The following ADAMTSL1 variants were observed in gnomAD, a reference collection of about 807,000 sequenced individuals.
ADAMTSL1 encodes ADAMTS like 1.
ADAMTSL1 carries 126 observed loss-of-function variants against 201.8 expected under a neutral mutation model. That is an observed-to-expected ratio of 0.62 (90% confidence interval 0.54 to 0.72). ADAMTSL1 has a LOEUF of 0.72. ADAMTSL1 is among the 30% of genes least tolerant of loss of function. The pLI, the probability that ADAMTSL1 is intolerant of heterozygous loss-of-function variation, is 0.00. For missense variants in ADAMTSL1, 2,679 were observed against 2,277.8 expected (o/e 1.18, Z -3.59); for synonymous variants, 1,121 against 903.4 (o/e 1.24, Z -4.32).
At chr9:18,572,040 A>G (rs1191316643) in intron 3 of ADAMTSL1, among the ~76,000 whole-genome samples, 1 of 151,992 alleles carries the variant, frequency 6.6e-6, no homozygotes, top group Non-Finnish European at 1.5e-5. Context: ...TAAAAATATA[A>G]AAAAATGAGC....
intron 1 of ADAMTSL1, among the ~76,000 whole-genome samples, chr9:18,019,801 T>A (rs1003444700): frequency 3.3e-5 from 5 of 152,066 alleles, no homozygotes; most frequent in Non-Finnish European, 7.4e-5. Context: ...ACTGTTCAGT[T>A]ACCTTTCATT....
At chr9:18,876,791 T>C (rs1828190785) in intron 23 of ADAMTSL1, among the ~76,000 whole-genome samples, 1 of 152,222 alleles carries the variant, frequency 6.6e-6, no homozygotes, top group African/African-American at 2.4e-5. Context: ...TTTGGATGTC[T>C]AGATGTCTAG....
chr9:18,525,376 T>A (rs1818971726), intron 2 of ADAMTSL1, among the ~76,000 whole-genome samples: 1 of 152,190 alleles, frequency 6.6e-6, no homozygotes, highest in Admixed American at 6.5e-5. Flanking sequence ...ATTTTGTTGA[T>A]CTTTTCAAAA....
intron 7 of ADAMTSL1, among the ~76,000 whole-genome samples, chr9:18,645,128 C>G (rs1001685943): frequency 1.2e-4 from 18 of 152,170 alleles, no homozygotes; most frequent in Non-Finnish European, 2.5e-4. Context: ...TTGCATTTCT[C>G]TGAGGGCCAG....
intron 2 of ADAMTSL1, among the ~76,000 whole-genome samples, chr9:18,389,434 A>G (rs908586699): frequency 2.0e-5 from 3 of 152,206 alleles, no homozygotes; most frequent in African/African-American, 7.2e-5. Context: ...TGAGTTATGT[A>G]AAGAAGCTGG....
chr9:17,975,203 T>A lies in ADAMTSL1; in HGVS notation c.87+68281T>A, dbSNP rs572594212. Among the ~76,000 whole-genome samples the A allele has an allele frequency of 8.3e-4, 127 of 152,256 alleles. 1 individual carries two copies. Among genetic ancestry groups the A allele is most frequent in the African/African-American group, 2.9e-3 (120 of 41,574 alleles). ...ATTCAGGTTCTTTGGCATTTTTTAA[T>A]TGGGTCATTTTTTTTTCTTTGGCTA... On this transcript the variant is annotated intron_variant, in intron 1 of 29. Transcript: ENST00000680146.
rs569117124 is a variant in ADAMTSL1 at position 18,865,047 on chromosome 9, T to C, written c.4250-22784T>C. Among the ~76,000 whole-genome samples, 9 of 152,348 alleles carry C rather than the reference T, an allele frequency of 5.9e-5. 1 individual carries two copies. The South Asian group carries it at 1.9e-3, about 32-fold the overall frequency. On this transcript the variant is annotated intron_variant, in intron 23 of 28. Coordinates refer to ENST00000380548, the MANE Select transcript of ADAMTSL1 (RefSeq NM_001040272.6). ...TTTTGTTATATTTTTCCAGTCTCTTTTTTTAATTATACTTGAAGTTCTAGG... is the reference window on the plus strand; with the variant it reads ...TTTTGTTATATTTTTCCAGTCTCTTCTTTTAATTATACTTGAAGTTCTAGG...
intron 23 of ADAMTSL1, among the ~76,000 whole-genome samples, chr9:18,848,510 T>C (rs1826276342): frequency 6.6e-6 from 1 of 152,196 alleles, no homozygotes; most frequent in Non-Finnish European, 1.5e-5. Context: ...TCCCTCATAC[T>C]TGCCATGGCC....
intron 1 of ADAMTSL1, among the ~76,000 whole-genome samples, chr9:17,999,781 A>C (rs1283165632): frequency 6.8e-6 from 1 of 146,970 alleles, no homozygotes; most frequent in Admixed American, 6.8e-5. Context: ...CAGTCCCCAG[A>C]GTGTGATATT....
intron 23 of ADAMTSL1, among the ~76,000 whole-genome samples, chr9:18,840,432 A>T (rs1379009047): frequency 6.6e-6 from 1 of 152,170 alleles, no homozygotes; most frequent in Non-Finnish European, 1.5e-5. Flanking sequence ...TGTTTTGGTT[A>T]CTGTAGCCTT....
At chr9:18,147,984 A>G (rs947949996) in intron 1 of ADAMTSL1, among the ~76,000 whole-genome samples, 1 of 152,072 alleles carries the variant, frequency 6.6e-6, no homozygotes, top group African/African-American at 2.4e-5. Context: ...CCATGGAAAA[A>G]AGAGACCATA....
intron 1 of ADAMTSL1, among the ~76,000 whole-genome samples, chr9:18,155,089 T>C (rs1827092956): frequency 1.3e-5 from 2 of 152,182 alleles, no homozygotes; most frequent in Admixed American, 6.6e-5. Context: ...CATTTTGTTT[T>C]TGAAGGGGAA....
chr9:18,470,611 C>A (rs16936745), upstream of ADAMTSL1, among the ~76,000 whole-genome samples: 2 of 151,870 alleles, frequency 1.3e-5, no homozygotes, highest in African/African-American at 2.4e-5. Flanking sequence ...CTGCAGCTGA[C>A]GGGCTAAGCA....
intron 23 of ADAMTSL1, among the ~76,000 whole-genome samples, chr9:18,832,953 A>G (rs2131276880): frequency 6.6e-6 from 1 of 152,318 alleles, no homozygotes. Context: ...TTTTTAAGCC[A>G]TGTGTCAGAG....
intron 1 of ADAMTSL1, among the ~76,000 whole-genome samples, chr9:18,042,095 GAAAA>G (rs76542418): frequency 1.6e-5 from 2 of 124,462 alleles, no homozygotes; most frequent in Non-Finnish European, 1.8e-5. Flanking sequence ...TAATTGCTGG[GAAAA>G]AAAAAAAAAA....
At position 18,554,596 on chromosome 9, in the gene ADAMTSL1, C is replaced by T. The variant is rs569533889; in HGVS notation, c.238-19434C>T. ...TTAGAAACTCTGAAGGAAACTTCTA[C>T]CCCCAACCTTTACCCGTAGCCAACC... is the stretch of plus-strand genomic sequence containing the variant. On this transcript the variant is annotated intron_variant, in intron 3 of 28. Transcript: ENST00000380548. Among the ~76,000 whole-genome samples, 5 of 151,792 alleles carry T rather than the reference C, an allele frequency of 3.3e-5. No homozygotes were observed. The South Asian group carries it at 8.3e-4, about 25-fold the overall frequency.
chr9:18,633,262 A>AAGTC (rs1364935473), intron 5 of ADAMTSL1, among the ~76,000 whole-genome samples: 24 of 152,306 alleles, frequency 1.6e-4, no homozygotes, highest in Middle Eastern at 3.4e-3. Flanking sequence ...CAAACTTAAA[A>AAGTC]AGTCATGTCT....
chr9:18,472,844 G>A (rs1301153027), upstream of ADAMTSL1, among the ~76,000 whole-genome samples: 1 of 152,224 alleles, frequency 6.6e-6, no homozygotes, highest in Non-Finnish European at 1.5e-5. Context: ...GGCAATGTAA[G>A]GCCAGGGCTG....
At chr9:18,237,437 G>A (rs769105646) in intron 2 of ADAMTSL1, among the ~76,000 whole-genome samples, 7 of 151,884 alleles carry the variant, frequency 4.6e-5, no homozygotes, top group Admixed American at 2.6e-4. Flanking sequence ...CTCATATTCC[G>A]TGCTCTCCTG....
Sources: gnomAD v4.1 joint callset for allele counts (sites outside exome capture counted in the v4.1 genomes callset) on GRCh38, gnomAD v4.1.1 for gene constraint, MANE v1.5 for transcripts, NCBI Gene and HGNC (gene_info 2026-07-23, HGNC 2026-07-21) for gene names.